BCAS3: variants seen among roughly 807,000 people sequenced by gnomAD.
BCAS3 encodes BCAS4/BCAS3 fusion.
Under a neutral mutation model 116.1 loss-of-function variants are expected in BCAS3, and 53 were observed. The ratio of observed to expected loss-of-function variants is 0.46; its 90% confidence interval spans 0.37 to 0.57. The LOEUF is 0.57. BCAS3 is among the 20% of genes least tolerant of loss of function. The probability of loss-of-function intolerance (pLI) is 0.00; values close to 1 mark genes in which losing one functional copy is unlikely to be tolerated. For synonymous variants in BCAS3, 391 were observed against 408.2 expected (o/e 0.96, Z 0.51); for missense variants, 917 against 1,165.4 (o/e 0.79, Z 3.10).
intron 18 of BCAS3, among the ~76,000 whole-genome samples, chr17:61,040,201 C>G (rs2067393371): frequency 6.6e-6 from 1 of 152,164 alleles, no homozygotes; most frequent in African/African-American, 2.4e-5. Context: ...TTTGGAGGCT[C>G]CAGCATTCTT....
At position 61,217,687 on chromosome 17, in the gene BCAS3, T is replaced by C. The variant is rs994832213; in HGVS notation, c.2425+133123T>C. Among the ~76,000 whole-genome samples, 1 of 152,200 alleles carries C rather than the reference T, an allele frequency of 6.6e-6. No individual in the cohort carries two copies. Among genetic ancestry groups the C allele is most frequent in the African/African-American group, 2.4e-5 (1 of 41,452 alleles). ...TTAGGTTTTCCAGACCTGATATCAT[T>C]AGGCAGCTTCCTCTGACTAGTTGAT... On this transcript the variant is annotated intron_variant, in intron 22 of 23. Coordinates refer to ENST00000407086, the MANE Select transcript of BCAS3 (RefSeq NM_017679.5). This position sits in a 1 kb window ranked among gnomAD's most constrained non-coding sequence, Gnocchi z 5.2.
intron 22 of BCAS3, among the ~76,000 whole-genome samples, chr17:61,298,720 C>T (rs996589641): frequency 6.6e-6 from 1 of 151,768 alleles, no homozygotes; most frequent in Non-Finnish European, 1.5e-5. Flanking sequence ...TCCTTCTCAC[C>T]CTTCTCTGGC....
rs1410145673 is a variant in BCAS3, at chr17:61,361,257, A to G, written c.2426-7070A>G. ...TTGCCCAGAGTAACCAGAAAAGTTAATGGGAGAATTCCAGTTATGACTCAG... is the reference window on the plus strand; with the variant it reads ...TTGCCCAGAGTAACCAGAAAAGTTAGTGGGAGAATTCCAGTTATGACTCAG... On this transcript the variant is annotated intron_variant, in intron 22 of 23. Transcript: ENST00000407086. This position sits in a 1 kb window ranked among gnomAD's most constrained non-coding sequence, Gnocchi z 6.5. 6.6e-6 allele frequency among the ~76,000 whole-genome samples: 1 copy of G among 152,086 alleles called. No homozygotes were observed. The highest frequency in any genetic ancestry group is 1.5e-5 in the Non-Finnish European group (1 of 68,020).
chr17:61,123,071 A>G (rs2075869282), intron 22 of BCAS3, among the ~76,000 whole-genome samples: 1 of 151,474 alleles, frequency 6.6e-6, no homozygotes, highest in South Asian at 2.1e-4. Flanking sequence ...CCTCCCAAGT[A>G]GCTGGGACTA....
At chr17:60,805,881 C>T (rs1250431309) in intron 6 of BCAS3, among the ~76,000 whole-genome samples, 3 of 127,132 alleles carry the variant, frequency 2.4e-5, no homozygotes, top group African/African-American at 3.2e-5. Context: ...TTTTTTGAGA[C>T]GGAGCCTTGC....
intron 22 of BCAS3, among the ~76,000 whole-genome samples, chr17:61,255,857 T>C (rs2048734947): frequency 6.6e-6 from 1 of 152,186 alleles, no homozygotes; most frequent in Admixed American, 6.5e-5. Context: ...TGACACCTAA[T>C]TGAAGAAGTG....
At chr17:61,358,012 C>CG (rs750071346) in intron 22 of BCAS3, among the ~76,000 whole-genome samples, 14 of 151,180 alleles carry the variant, frequency 9.3e-5, no homozygotes, top group Non-Finnish European at 2.1e-4. Flanking sequence ...CACTTGAGCC[C>CG]GGGGGGCAGA....
chr17:60,947,530 G>A (rs1256196039), intron 14 of BCAS3, among the ~76,000 whole-genome samples, 178 bp downstream of exon 14: 3 of 152,104 alleles, frequency 2.0e-5, no homozygotes, highest in Non-Finnish European at 4.4e-5. Flanking sequence ...AAATACATAA[G>A]CACTAGATGA....
At chr17:61,164,714 T>C (rs902368869) in intron 22 of BCAS3, among the ~76,000 whole-genome samples, 1 of 152,198 alleles carries the variant, frequency 6.6e-6, no homozygotes, top group African/African-American at 2.4e-5. Flanking sequence ...TGTCATGCGC[T>C]TGGACTTCCC....
intron 6 of BCAS3, among the ~76,000 whole-genome samples, chr17:60,802,203 G>C (rs557409590): frequency 4.7e-5 from 7 of 150,168 alleles, no homozygotes; most frequent in Non-Finnish European, 8.9e-5. Flanking sequence ...AGAATTGCTT[G>C]AATCTGGGAG....
intron 22 of BCAS3, among the ~76,000 whole-genome samples, chr17:61,127,341 A>G (rs1278352069): frequency 6.6e-6 from 1 of 151,978 alleles, no homozygotes; most frequent in Non-Finnish European, 1.5e-5. Flanking sequence ...GTTTATAAAT[A>G]TAAGAGTGTT....
chr17:61,015,975 T>C, intron 16 of BCAS3, 74 bp downstream of exon 16: 1 of 1,443,934 alleles, frequency 6.9e-7, no homozygotes, highest in Non-Finnish European at 9.5e-7. Context: ...AACATACTTT[T>C]TCTTTGTGTG....
intron 22 of BCAS3, among the ~76,000 whole-genome samples, chr17:61,143,897 T>C (rs2077056821): frequency 6.6e-6 from 1 of 152,200 alleles, no homozygotes; most frequent in Non-Finnish European, 1.5e-5. Flanking sequence ...GGCCAGTGTG[T>C]CCTACCATTG....
chr17:61,054,161 C>T (rs763126347), intron 19 of BCAS3, among the ~76,000 whole-genome samples: 1 of 152,210 alleles, frequency 6.6e-6, no homozygotes, highest in African/African-American at 2.4e-5. Flanking sequence ...TCGCATAGAT[C>T]TTCAGACCTG....
At chr17:61,193,983 G>T (rs76466632) in intron 22 of BCAS3, among the ~76,000 whole-genome samples, 26 of 149,572 alleles carry the variant, frequency 1.7e-4, no homozygotes, top group African/African-American at 1.3e-4. Flanking sequence ...CGGGCCTGGT[G>T]GTGGGCACCT....
At chr17:61,197,696 G>A (rs2080563889) in intron 22 of BCAS3, among the ~76,000 whole-genome samples, 2 of 152,146 alleles carry the variant, frequency 1.3e-5, no homozygotes, top group African/African-American at 4.8e-5. Context: ...TACACACAGA[G>A]GACCCTATAC....
chr17:60,921,025 TAAAC>T (rs1309682328), intron 12 of BCAS3, among the ~76,000 whole-genome samples: 1 of 152,090 alleles, frequency 6.6e-6, no homozygotes, highest in Non-Finnish European at 1.5e-5. Context: ...CTTCTCAACT[TAAAC>T]AAAGCTACCA....
Position 60,918,381 on chromosome 17 carries a change from A to G in BCAS3, c.994-6026A>G, listed in dbSNP as rs567443426. On this transcript the variant is annotated intron_variant, in intron 12 of 23. Coordinates refer to ENST00000407086, the MANE Select transcript of BCAS3 (RefSeq NM_017679.5). ...TGTTATATGCATAGAACGTCTAATCATCAAATCAGGGTATTTAGGATATAT... is the reference window on the plus strand; with the variant it reads ...TGTTATATGCATAGAACGTCTAATCGTCAAATCAGGGTATTTAGGATATAT... Among the ~76,000 whole-genome samples the G allele has an allele frequency of 1.3e-4, 20 of 152,290 alleles. No homozygotes were observed. In the South Asian group the frequency reaches 3.5e-3, roughly 27 times the overall value.
chr17:61,006,630 T>C (rs1434055127), intron 15 of BCAS3, among the ~76,000 whole-genome samples: 2 of 152,056 alleles, frequency 1.3e-5, no homozygotes, highest in Non-Finnish European at 2.9e-5. Context: ...TCAGACTTGT[T>C]CTAAGGGATG....
Sources: gnomAD v4.1 joint callset for allele counts (sites outside exome capture counted in the v4.1 genomes callset) on GRCh38, gnomAD v4.1.1 for gene constraint, Gnocchi (gnomAD v3.1) non-coding constraint, MANE v1.5 for transcripts, NCBI Gene and HGNC (gene_info 2026-07-23, HGNC 2026-07-21) for gene names.